TMCC3: variants seen among roughly 807,000 people sequenced by gnomAD.
TMCC3 encodes transmembrane and coiled-coil domain family 3, also known as transmembrane and coiled-coil domain protein 3.
Under a neutral mutation model 40.2 loss-of-function variants are expected in TMCC3, and 28 were observed. That is an observed-to-expected ratio of 0.70 (90% CI 0.52 to 0.95). TMCC3 has a LOEUF of 0.95. Among genes scored for constraint, TMCC3 ranks in the 40% least tolerant of loss-of-function variants. The pLI, the probability that TMCC3 is intolerant of heterozygous loss-of-function variation, is 0.00. For synonymous variants in TMCC3, 255 were observed against 248.5 expected (o/e 1.03, Z -0.25); for missense variants, 554 against 615.2 (o/e 0.90, Z 1.05).
rs969161846 is a variant in TMCC3 at position 94,570,140 on chromosome 12, T to C, written c.*1295A>G. 6.6e-6 allele frequency: 1 copy of C among 152,216 alleles called. No homozygotes were observed. The highest frequency in any genetic ancestry group is 1.5e-5 in the Non-Finnish European group (1 of 68,046). The allele number at this position is 152,216 out of a possible 1,614,324, so 9.4% of individuals were successfully genotyped here. Reference sequence around the variant, plus strand: ...GGCAACCTTGGCTCAAACACTGGACTTAATTTATTTTATTCTTGCTAGTCT... The same window carrying C: ...GGCAACCTTGGCTCAAACACTGGACCTAATTTATTTTATTCTTGCTAGTCT... On this transcript the variant is annotated 3_prime_UTR_variant, in exon 4 of 4. Transcript: ENST00000261226.
chr12:94,597,635 A>T (rs903406833), intron 1 of TMCC3, among the ~76,000 whole-genome samples: 1 of 152,050 alleles, frequency 6.6e-6, no homozygotes, highest in African/African-American at 2.4e-5. Flanking sequence ...GCAAAACTCC[A>T]TCTCTACTAA....
chr12:94,587,989 G>T (rs574384289), intron 1 of TMCC3, among the ~76,000 whole-genome samples: 1 of 152,134 alleles, frequency 6.6e-6, no homozygotes, highest in East Asian at 1.9e-4. Flanking sequence ...TCCGGCACTG[G>T]AGACATTTCC....
intron 1 of TMCC3, among the ~76,000 whole-genome samples, chr12:94,602,785 T>C (rs890019815): frequency 1.3e-5 from 2 of 152,128 alleles, no homozygotes; most frequent in African/African-American, 4.8e-5. Flanking sequence ...GTTTTCCTGT[T>C]GACTATGGAC....
chr12:94,606,010 A>AAAAC (rs147282791), intron 1 of TMCC3, among the ~76,000 whole-genome samples: 1 of 152,144 alleles, frequency 6.6e-6, no homozygotes, highest in Non-Finnish European at 1.5e-5. Context: ...TTAGTAACAG[A>AAAAC]AAACAAACAA....
At chr12:94,616,815 C>A (rs60320610) in intron 1 of TMCC3, among the ~76,000 whole-genome samples, 2 of 152,158 alleles carry the variant, frequency 1.3e-5, no homozygotes, top group African/African-American at 4.8e-5. Flanking sequence ...GGGTCACACC[C>A]GGAGGGTCCC....
intron 1 of TMCC3, among the ~76,000 whole-genome samples, chr12:94,633,224 G>A (rs1017756426): frequency 6.6e-6 from 1 of 152,148 alleles, no homozygotes; most frequent in Non-Finnish European, 1.5e-5. Context: ...ACAATAAATT[G>A]TTTATGGATT....
chr12:94,583,238 C>T (rs1002152046), intron 1 of TMCC3, among the ~76,000 whole-genome samples: 4 of 150,136 alleles, frequency 2.7e-5, no homozygotes, highest in African/African-American at 9.8e-5. Flanking sequence ...GGCGAGGTGG[C>T]TCACACCTAT....
chr12:94,645,349 T>C (rs1375611267), intron 1 of TMCC3, among the ~76,000 whole-genome samples: 1 of 152,246 alleles, frequency 6.6e-6, no homozygotes, highest in African/African-American at 2.4e-5. Flanking sequence ...GTTTCTAAGC[T>C]CACAAATCCC....
intron 1 of TMCC3, among the ~76,000 whole-genome samples, chr12:94,606,288 A>G (rs1291262954): frequency 2.0e-5 from 3 of 152,190 alleles, no homozygotes; most frequent in Non-Finnish European, 4.4e-5. Context: ...AAAATGCCCA[A>G]GAGGCTTTAC....
chr12:94,618,469 G>C (rs1486247403), intron 1 of TMCC3, among the ~76,000 whole-genome samples: 1 of 152,154 alleles, frequency 6.6e-6, no homozygotes, highest in African/African-American at 2.4e-5. Flanking sequence ...AGAATGATGT[G>C]GCAACTGCCT....
intron 1 of TMCC3, among the ~76,000 whole-genome samples, chr12:94,645,483 G>T (rs1241724179): frequency 6.6e-6 from 1 of 152,152 alleles, no homozygotes; most frequent in African/African-American, 2.4e-5. Flanking sequence ...TGTTGCCCAG[G>T]CTGGAGTGCA....
intron 1 of TMCC3, chr12:94,613,703 T>C (rs936686642): frequency 1.3e-5 from 2 of 152,132 alleles, no homozygotes; most frequent in African/African-American, 4.8e-5. Flanking sequence ...GTCAAGTTCA[T>C]CTCCTCACCC....
intron 1 of TMCC3, among the ~76,000 whole-genome samples, chr12:94,600,885 A>G (rs1279016621): frequency 6.6e-6 from 1 of 152,130 alleles, no homozygotes; most frequent in African/African-American, 2.4e-5. Flanking sequence ...ACCATACAAC[A>G]CTCAGCACAG....
intron 1 of TMCC3, among the ~76,000 whole-genome samples, chr12:94,607,635 A>C (rs548714470): frequency 3.3e-5 from 5 of 152,144 alleles, no homozygotes; most frequent in Non-Finnish European, 5.9e-5. Context: ...TGAACTGCTG[A>C]CCTCAAGTGA....
chr12:94,622,114 T>C (rs1805792628), intron 1 of TMCC3, among the ~76,000 whole-genome samples: 1 of 152,208 alleles, frequency 6.6e-6, no homozygotes, highest in South Asian at 2.1e-4. Context: ...GCAAAAGACC[T>C]CTAATTACCA....
At chr12:94,633,927 T>C (rs1331080462) in intron 1 of TMCC3, among the ~76,000 whole-genome samples, 1 of 151,938 alleles carries the variant, frequency 6.6e-6, no homozygotes, top group Non-Finnish European at 1.5e-5. Context: ...ATAGTACATA[T>C]ATATTATTCT....
In TMCC3 at chr12:94,644,488, C is replaced by T. The variant is rs998049965; in HGVS notation, c.78+5865G>A. Reference sequence around the variant, plus strand: ...GCAGCTGTCTTGGTGATCTCTACAGCGGATGTGACAGGCGGGTGAGCTGGT... The same window carrying T: ...GCAGCTGTCTTGGTGATCTCTACAGTGGATGTGACAGGCGGGTGAGCTGGT... On this transcript the variant is annotated intron_variant, in intron 1 of 3. Coordinates refer to ENST00000261226, the MANE Select transcript of TMCC3 (RefSeq NM_020698.4). 1.6e-5 allele frequency: 15 copies of T among 964,834 alleles called. No individual in the cohort carries two copies. In the East Asian group the frequency reaches 8.0e-4, roughly 51 times the overall value. 59.8% of individuals were successfully genotyped at this position (964,834 alleles called of 1,614,324 possible). A position where few individuals can be genotyped will look rare whatever the true frequency, so the allele number is the denominator to read the frequency against.
chr12:94,610,068 T>C (rs1461691890), intron 1 of TMCC3: 1 of 151,786 alleles, frequency 6.6e-6, no homozygotes. Context: ...AGGAAAAGAG[T>C]GTTTGGAAAG....
intron 1 of TMCC3, among the ~76,000 whole-genome samples, chr12:94,590,105 CT>C (rs61126367): frequency 0.052 from 6,779 of 131,520 alleles, 175 homozygotes; most frequent in Middle Eastern, 0.098. Flanking sequence ...AAAATCTATT[CT>C]TTTTTTTTTT....
Sources: allele counts gnomAD v4.1 joint callset (sites outside exome capture counted in the v4.1 genomes callset), GRCh38; gene constraint gnomAD v4.1.1; transcripts MANE v1.5; gene names NCBI Gene and HGNC (gene_info 2026-07-23, HGNC 2026-07-21).